Variants in FGGY observed in about 807,000 individuals in gnomAD.
The protein encoded by FGGY is FGGY carbohydrate kinase domain containing.
A neutral mutation model predicts 71.3 loss-of-function variants in FGGY; 72 were observed. That is an observed-to-expected ratio of 1.01 (90% CI 0.84 to 1.23). FGGY has a LOEUF of 1.23. Among genes scored for constraint, FGGY ranks in the 50% most tolerant of loss-of-function variants. FGGY has a pLI of 0.00. For synonymous variants in FGGY, 251 were observed against 250.3 expected (o/e 1.00, Z -0.02); for missense variants, 668 against 682.3 (o/e 0.98, Z 0.23).
intron 7 of FGGY, among the ~76,000 whole-genome samples, chr1:59,547,014 G>A (rs899759599): frequency 4.1e-5 from 6 of 146,178 alleles, no homozygotes; most frequent in Non-Finnish European, 7.5e-5. Flanking sequence ...ATGCAGTGGC[G>A]CGATCTCGAT....
intron 7 of FGGY, among the ~76,000 whole-genome samples, chr1:59,540,133 T>C (rs1041434673): frequency 1.3e-5 from 2 of 152,222 alleles, no homozygotes; most frequent in African/African-American, 4.8e-5. Context: ...TTGATGGGGA[T>C]ATCAAACACC....
Position 59,386,237 on chromosome 1 carries a change from C to G in FGGY, c.554+7400C>G, listed in dbSNP as rs182991354. On this transcript the variant is annotated intron_variant, in intron 5 of 15. Coordinates refer to ENST00000303721, the MANE Select transcript of FGGY (RefSeq NM_018291.5). ...TTTTACCATGTTACATTTAGTCACG[C>G]CTTCTCAGGCTCTTCTTGGCTGTGA... 2.2e-4 allele frequency among the ~76,000 whole-genome samples: 33 copies of G among 152,154 alleles called. No individual in the cohort carries two copies. The East Asian group carries it at 4.6e-3, about 21-fold the overall frequency.
intron 4 of FGGY, among the ~76,000 whole-genome samples, chr1:59,376,250 G>T (rs1240767529): frequency 6.6e-6 from 1 of 152,114 alleles, no homozygotes; most frequent in Non-Finnish European, 1.5e-5. Flanking sequence ...ATCTTAGAAT[G>T]GGCGTTCAAA....
At chr1:59,546,576 T>G (rs1398605230) in intron 7 of FGGY, among the ~76,000 whole-genome samples, 3 of 151,800 alleles carry the variant, frequency 2.0e-5, no homozygotes, top group African/African-American at 4.8e-5. Context: ...TGGCTCTGTT[T>G]CCCAGTGCAA....
Position 59,554,142 on chromosome 1 carries a change from T to A in FGGY, c.818T>A (p.Val273Glu). 1.2e-6 allele frequency: 2 copies of A among 1,611,720 alleles called. No homozygotes were observed. Among genetic ancestry groups the A allele is most frequent in the South Asian group, 2.2e-5 (2 of 90,974 alleles). The change falls in exon 8 of 16, where the codon GTG becomes GAG. Residue 273 changes from valine (V) to glutamate (E), a missense_variant. By Grantham distance (121) the Val-to-Glu change is moderately radical. Around this residue, in one of 2 missense-constraint regions of FGGY, gnomAD observed 661 missense variants for 661.6 expected, o/e 1.00. Coordinates refer to ENST00000303721, the MANE Select transcript of FGGY (RefSeq NM_018291.5). ...CTCACAGGAGTGATTGGGGCAGATG[T>A]GAGAGGGCACGGCCTCATCTGTGAG... ...AGGLGVIGAD[V>E]RGHGLICEGQ...
chr1:59,511,538 T>G (rs947943513), intron 6 of FGGY, among the ~76,000 whole-genome samples: 1 of 152,216 alleles, frequency 6.6e-6, no homozygotes, highest in Non-Finnish European at 1.5e-5. Context: ...TCTGGGTTCT[T>G]ATCTTGTCTT....
In FGGY at chr1:59,357,415, A is replaced by T. The variant is rs567519102; in HGVS notation, c.465+11017A>T. Among the ~76,000 whole-genome samples, 78 of 152,322 alleles carry T rather than the reference A, an allele frequency of 5.1e-4. 1 individual carries two copies. Among genetic ancestry groups the T allele is most frequent in the African/African-American group, 1.8e-3 (75 of 41,582 alleles). ...ATATTTCCTTTATATGATCTATGAC[A>T]TGACCTTGTGGGATAAATATTACTA... On this transcript the variant is annotated intron_variant, in intron 4 of 15. Coordinates refer to ENST00000303721, the MANE Select transcript of FGGY (RefSeq NM_018291.5).
At chr1:59,507,684 ATTTTTTTTTT>A (rs561953004) in intron 6 of FGGY, among the ~76,000 whole-genome samples, 30 of 106,908 alleles carry the variant, frequency 2.8e-4, no homozygotes, top group South Asian at 3.0e-4. Context: ...TGCTTGGCTA[ATTTTTTTTTT>A]TTTTTTTTTT....
At chr1:59,448,257 GCA>G (rs1207745757) in intron 5 of FGGY, among the ~76,000 whole-genome samples, 1 of 152,164 alleles carries the variant, frequency 6.6e-6, no homozygotes, top group Non-Finnish European at 1.5e-5. Context: ...TTTTTAAAGG[GCA>G]CAGAGTTCAA....
intron 8 of FGGY, among the ~76,000 whole-genome samples, chr1:59,565,070 G>A (rs908396059): frequency 6.6e-6 from 1 of 152,118 alleles, no homozygotes; most frequent in Non-Finnish European, 1.5e-5. Context: ...GATGGGGGTG[G>A]TATATGGGAG....
intron 6 of FGGY, among the ~76,000 whole-genome samples, chr1:59,507,062 C>A (rs577640848): frequency 1.3e-5 from 2 of 152,284 alleles, no homozygotes; most frequent in East Asian, 3.9e-4. Context: ...GGCAGGTCCC[C>A]AACCAGAATA....
At chr1:59,425,072 A>G (rs61414828) in intron 5 of FGGY, among the ~76,000 whole-genome samples, 8,527 of 152,244 alleles carry the variant, frequency 0.056, 803 homozygotes, top group African/African-American at 0.19. Context: ...CATAAAATGA[A>G]ATCAATATTA....
At chr1:59,586,259 C>T (rs2096284397) in intron 8 of FGGY, among the ~76,000 whole-genome samples, 1 of 152,148 alleles carries the variant, frequency 6.6e-6, no homozygotes, top group Admixed American at 6.5e-5. Flanking sequence ...TGGAACCAAG[C>T]CAGATATCCA....
intron 7 of FGGY, among the ~76,000 whole-genome samples, chr1:59,542,817 C>G (rs2095465279): frequency 6.6e-6 from 1 of 152,114 alleles, no homozygotes; most frequent in South Asian, 2.1e-4. Flanking sequence ...CCAAAAAACT[C>G]AGTTCATTTG....
intron 6 of FGGY, among the ~76,000 whole-genome samples, chr1:59,469,317 G>T (rs1339562418): frequency 2.0e-5 from 3 of 152,208 alleles, no homozygotes; most frequent in African/African-American, 4.8e-5. Flanking sequence ...GCCCAAGGGT[G>T]CCGATAACTT....
intron 15 of FGGY, among the ~76,000 whole-genome samples, chr1:59,761,294 C>A (rs553295082): frequency 1.3e-5 from 2 of 152,294 alleles, no homozygotes; most frequent in African/African-American, 4.8e-5. Flanking sequence ...TCCTACGTTA[C>A]CAGAATGCTT....
rs556945732 is a variant in FGGY, at chr1:59,522,008, T to C, written c.799+9569T>C. Among the ~76,000 whole-genome samples, 136 of 152,312 alleles carry C rather than the reference T, an allele frequency of 8.9e-4. 1 individual carries two copies. The highest frequency in any genetic ancestry group is 1.6e-3 in the Non-Finnish European group (106 of 68,014). On this transcript the variant is annotated intron_variant, in intron 7 of 15. Transcript: ENST00000303721. Reference sequence around the variant, plus strand: ...AAAAACACCTGCTATTCGAGTTCCTTCCAAAGAGCTCAAAGCAGTTATTTT... The same window carrying C: ...AAAAACACCTGCTATTCGAGTTCCTCCCAAAGAGCTCAAAGCAGTTATTTT...
chr1:59,659,002 A>G (rs902119125), intron 11 of FGGY, among the ~76,000 whole-genome samples: 3 of 152,186 alleles, frequency 2.0e-5, no homozygotes, highest in African/African-American at 4.8e-5. Flanking sequence ...CAGGTGTATC[A>G]TATGAGGTCA....
intron 8 of FGGY, among the ~76,000 whole-genome samples, chr1:59,586,178 A>G (rs1049656806): frequency 1.3e-5 from 2 of 152,264 alleles, no homozygotes; most frequent in African/African-American, 4.8e-5. Flanking sequence ...GCAAAGGATT[A>G]TAAATCATGC....
Sources: gnomAD v4.1 joint callset for allele counts (sites outside exome capture counted in the v4.1 genomes callset) on GRCh38, gnomAD v4.1.1 for gene constraint, gnomAD v4.1.1 regional missense constraint, MANE v1.5 for transcripts, NCBI Gene and HGNC (gene_info 2026-07-23, HGNC 2026-07-21) for gene names.